The following ZAR1L variants were observed in gnomAD, a reference collection of about 807,000 sequenced individuals.
ZAR1L encodes the protein protein ZAR1-like.
A neutral mutation model predicts 30.0 loss-of-function variants in ZAR1L; 16 were observed. The ratio of observed to expected loss-of-function variants is 0.53; its 90% CI spans 0.36 to 0.81. The LOEUF (loss-of-function observed/expected upper bound fraction) is 0.81, where lower values mean the gene tolerates loss of function less well. ZAR1L is among the 30% of genes least tolerant of loss of function. ZAR1L has a pLI of 0.00. For missense variants in ZAR1L, 392 were observed against 417.2 expected (o/e 0.94, Z 0.53); for synonymous variants, 197 against 166.8 (o/e 1.18, Z -1.40).
In ZAR1L at chr13:32,303,788, T is replaced by A. The variant is rs1439230767; in HGVS notation, c.*91A>T. 2 of 1,329,342 alleles carry A rather than the reference T, an allele frequency of 1.5e-6. No individual in the cohort carries two copies. The highest frequency in any genetic ancestry group is 2.0e-6 in the Non-Finnish European group (2 of 983,238). The allele number at this position is 1,329,342 out of a possible 1,614,324, so 82.3% of individuals were successfully genotyped here. ...GTACAAAAGCCTAGCCATTTTCCGA[T>A]GCCAGGTCAGAGCCAAGTTGCAAAA... On this transcript the variant is annotated 3_prime_UTR_variant, in exon 6 of 6. Transcript: ENST00000533490.
At chr13:32,310,594 C>A (rs373439659) in intron 4 of ZAR1L, 45 bp downstream of exon 4, 2 of 1,293,062 alleles carry the variant, frequency 1.5e-6, no homozygotes, top group African/African-American at 1.5e-5. Flanking sequence ...GCTTACCATC[C>A]GTGCCCACCC....
intron 2 of ZAR1L, among the ~76,000 whole-genome samples, chr13:32,312,498 G>A (rs1245504175): frequency 1.3e-5 from 2 of 152,172 alleles, no homozygotes; most frequent in African/African-American, 4.8e-5. Context: ...CCAAGTTATG[G>A]AAACAATCTA....
rs1473547512 is a variant in ZAR1L at position 32,311,742 on chromosome 13, G to A, written c.184C>T (p.Pro62Ser). 1.3e-6 allele frequency: 2 copies of A among 1,551,740 alleles called. No individual in the cohort carries two copies. The highest frequency in any genetic ancestry group is 2.0e-5 in the Admixed American group (1 of 51,010). The change falls in exon 3 of 6, where the codon CCT becomes TCT. Residue 62 changes from proline (P) to serine (S), a missense_variant. Coordinates refer to ENST00000533490, the MANE Select transcript of ZAR1L (RefSeq NM_001136571.2). ...PANAPDYCID[P>S]YKRAQLKAIL... Reference sequence around the variant, plus strand: ...GCCTTAAGCTGCGCCCTCTTGTAAGGGTCAATGCAGTAGTCAGGGGCGTTC... The same window carrying A: ...GCCTTAAGCTGCGCCCTCTTGTAAGAGTCAATGCAGTAGTCAGGGGCGTTC...
At chr13:32,308,837 T>G in intron 4 of ZAR1L, 77 bp from the exon 5 acceptor site, 1 of 973,688 alleles carries the variant, frequency 1.0e-6, no homozygotes, top group South Asian at 1.5e-5. Flanking sequence ...AGTTCTTAAG[T>G]AATCCATTGC....
chr13:32,305,582 C>T (rs1459578881), intron 5 of ZAR1L, among the ~76,000 whole-genome samples: 1 of 152,226 alleles, frequency 6.6e-6, no homozygotes, highest in East Asian at 1.9e-4. Flanking sequence ...GTGCCTAGCA[C>T]TCTCTTAAGC....
rs1433059717 is a variant in ZAR1L at position 32,311,591 on chromosome 13, AG to A, written c.334del (p.Leu112SerfsTer31). ...AVQCSLGPRT[L>X]SSCSPWDGRD... The stretch of plus-strand genomic sequence containing the variant: ...GCCGTCCCAGGGGGAGCAGCTGCTG[AG>A]GGTGCGAGGCCCCAGAGAGCACTGC... On this transcript the variant is annotated frameshift_variant, in exon 3 of 6. Transcript: ENST00000533490. LOFTEE classifies it high-confidence loss of function. 6.5e-7 allele frequency: 1 copy of A among 1,543,836 alleles called. No individual in the cohort carries two copies. Among genetic ancestry groups the A allele is most frequent in the Non-Finnish European group, 8.7e-7 (1 of 1,142,904 alleles).
In ZAR1L at chr13:32,303,825, C is replaced by G; in HGVS notation, c.*54G>C. The G allele has an allele frequency of 9.9e-6, 15 of 1,520,324 alleles. 1 individual carries two copies. In the South Asian group the frequency reaches 1.9e-4, roughly 19 times the overall value. The allele number at this position is 1,520,324 out of a possible 1,614,324, so 94.2% of individuals were successfully genotyped here. On this transcript the variant is annotated 3_prime_UTR_variant, in exon 6 of 6. Coordinates refer to ENST00000533490, the MANE Select transcript of ZAR1L (RefSeq NM_001136571.2). ...GCCAAGTTGCAAAAAAGGAAGACAG[C>G]ACAGTAAGTTACAAGAAGAGCTCAG...
At position 32,308,991 on chromosome 13, in the gene ZAR1L, C is replaced by CG. The variant is rs1284562378; in HGVS notation, c.748-232_748-231insC. On this transcript the variant is annotated intron_variant, in intron 4 of 5. Coordinates refer to ENST00000533490, the MANE Select transcript of ZAR1L (RefSeq NM_001136571.2). ...TTTCCTTACCCATAAAATTGGAATA[C>CG]ATTTTTTTTTTTTTTTGAGATGGAG... 3.0e-3 allele frequency among the ~76,000 whole-genome samples: 378 copies of CG among 124,432 alleles called. 2 individuals carry two copies. The highest frequency in any genetic ancestry group is 5.2e-3 in the African/African-American group (174 of 33,546). The allele number at this position is 124,432 out of a possible 152,430, so 81.6% of individuals were successfully genotyped here.
chr13:32,310,612 C>G, intron 4 of ZAR1L, 27 bp downstream of exon 4: 2 of 1,466,254 alleles, frequency 1.4e-6, no homozygotes, highest in Non-Finnish European at 1.9e-6. Flanking sequence ...CCCCATCCTC[C>G]TCTCACCTCC....
chr13:32,311,255 G>C lies in ZAR1L; in HGVS notation c.654+17C>G. The C allele has an allele frequency of 6.5e-7, 1 of 1,538,404 alleles. No individual in the cohort carries two copies. Among genetic ancestry groups the C allele is most frequent in the Non-Finnish European group, 8.8e-7 (1 of 1,140,960 alleles). On this transcript the variant is annotated intron_variant, in intron 3 of 5. Transcript: ENST00000533490. The stretch of plus-strand genomic sequence containing the variant: ...TGAGGCTGGTCGAGGACTAAGAAGA[G>C]GGAAGAGAGGATCTACCTGGAAGTT...
intron 5 of ZAR1L, among the ~76,000 whole-genome samples, chr13:32,304,708 T>C (rs1180279295): frequency 6.6e-6 from 1 of 152,146 alleles, no homozygotes; most frequent in African/African-American, 2.4e-5. Context: ...TTAAAACTAA[T>C]ATCCTATGGA....
Position 32,313,559 on chromosome 13 carries a change from GT to G in ZAR1L, c.-169+770del, listed in dbSNP as rs547352072. ...TTTTTGTATTTTTAGTAGAGACAGGGTTTTGCCATGTTGGCCAGGCTGGTCT... is the reference window on the plus strand; with the variant it reads ...TTTTTGTATTTTTAGTAGAGACAGGGTTTGCCATGTTGGCCAGGCTGGTCT... On this transcript the variant is annotated intron_variant, in intron 2 of 5. Coordinates refer to ENST00000533490, the MANE Select transcript of ZAR1L (RefSeq NM_001136571.2). 5.4e-3 allele frequency among the ~76,000 whole-genome samples: 824 copies of G among 152,314 alleles called. 9 individuals carry two copies. The highest frequency in any genetic ancestry group is 0.019 in the African/African-American group (786 of 41,562).
At chr13:32,312,821 T>C (rs2072224166) in intron 2 of ZAR1L, among the ~76,000 whole-genome samples, 1 of 152,092 alleles carries the variant, frequency 6.6e-6, no homozygotes, top group Admixed American at 6.5e-5. Flanking sequence ...AAGGTTGCAG[T>C]GAGCTGAGAT....
intron 5 of ZAR1L, among the ~76,000 whole-genome samples, chr13:32,305,686 T>C (rs967919584): frequency 6.6e-6 from 1 of 152,236 alleles, no homozygotes; most frequent in African/African-American, 2.4e-5. Flanking sequence ...GATTTTTGCT[T>C]CTGGAAATGA....
At chr13:32,308,599 C>T in intron 5 of ZAR1L, 87 bp downstream of exon 5, 1 of 962,534 alleles carries the variant, frequency 1.0e-6, no homozygotes, top group Non-Finnish European at 1.6e-6. Context: ...TACCAATATC[C>T]AACTCTATCA....
At chr13:32,306,529 A>G (rs909718592) in intron 5 of ZAR1L, among the ~76,000 whole-genome samples, 1 of 152,238 alleles carries the variant, frequency 6.6e-6, no homozygotes, top group Non-Finnish European at 1.5e-5. Context: ...GAGATGCAAT[A>G]AGAGCTATAT....
rs1347402690 is a variant in ZAR1L at position 32,311,317 on chromosome 13, C to A, written c.609G>T (p.Val203=). ...PCPQETKSKQ[V]PGDAASEPLR... Reference sequence around the variant, plus strand: ...GCGGCTCGGAGGCGGCGTCTCCAGGCACCTGCTTGCTCTTCGTCTCCTGAG... The same window carrying A: ...GCGGCTCGGAGGCGGCGTCTCCAGGAACCTGCTTGCTCTTCGTCTCCTGAG... Residue 203 remains valine, a synonymous_variant, in exon 3 of 6, where the codon GTG becomes GTT. Transcript: ENST00000533490. 2 of 1,550,422 alleles carry A rather than the reference C, an allele frequency of 1.3e-6. No homozygotes were observed. The highest frequency in any genetic ancestry group is 2.4e-5 in the East Asian group (1 of 40,920).
rs904420664 is a variant in ZAR1L, at chr13:32,311,234, G to A, written c.654+38C>T. 8 of 1,504,418 alleles carry A rather than the reference G, an allele frequency of 5.3e-6. No individual in the cohort carries two copies. The African/African-American group carries it at 5.6e-5, about 10-fold the overall frequency. 93.2% of individuals were successfully genotyped at this position (1,504,418 alleles called of 1,614,324 possible). A position where few individuals can be genotyped will look rare whatever the true frequency, so the allele number is the denominator to read the frequency against. ...GATGGAAAAGGAGGGAGGGGATGAG[G>A]CTGGTCGAGGACTAAGAAGAGGGAA... On this transcript the variant is annotated intron_variant, in intron 3 of 5. Coordinates refer to ENST00000533490, the MANE Select transcript of ZAR1L (RefSeq NM_001136571.2).
chr13:32,308,473 A>G (rs187140396), intron 5 of ZAR1L, among the ~76,000 whole-genome samples: 22 of 152,362 alleles, frequency 1.4e-4, no homozygotes, highest in Middle Eastern at 3.4e-3. Context: ...AACACACCCC[A>G]TAAGGCAACT....
Sources: allele counts gnomAD v4.1 joint callset (sites outside exome capture counted in the v4.1 genomes callset), GRCh38; gene constraint gnomAD v4.1.1; transcripts MANE v1.5; gene names NCBI Gene and HGNC (gene_info 2026-07-23, HGNC 2026-07-21).